The following MARCHF1 variants were observed in gnomAD, a reference collection of about 807,000 sequenced individuals.
MARCHF1 encodes the protein membrane associated ring-CH-type finger 1, also known as E3 ubiquitin-protein ligase MARCHF1.
A neutral mutation model predicts 54.2 loss-of-function variants in MARCHF1; 40 were observed. The ratio of observed to expected loss-of-function variants is 0.74; its 90% CI spans 0.57 to 0.96. The LOEUF is 0.96. Ranked by LOEUF, MARCHF1 falls within the 40% of genes least tolerant of loss-of-function variation. MARCHF1 has a pLI of 0.00. For synonymous variants in MARCHF1, 236 were observed against 236.3 expected, an observed-to-expected ratio of 1.00 and a Z score of 0.01; for missense variants, 586 against 656.5, an observed-to-expected ratio of 0.89 and a Z score of 1.17.
intron 1 of MARCHF1, among the ~76,000 whole-genome samples, chr4:164,241,728 C>T (rs963561572): frequency 6.6e-6 from 1 of 152,138 alleles, no homozygotes; most frequent in Non-Finnish European, 1.5e-5. Context: ...GGTTCATCTC[C>T]CTAGGGAGTG....
intron 2 of MARCHF1, among the ~76,000 whole-genome samples, chr4:164,109,912 T>TA (rs57433858): frequency 0.22 from 14,026 of 63,030 alleles, 1,438 homozygotes; most frequent in Non-Finnish European, 0.24. Flanking sequence ...AAAATAAAAG[T>TA]AAAAAAAAAA....
intron 4 of MARCHF1, among the ~76,000 whole-genome samples, chr4:163,799,863 T>C (rs1748028953): frequency 6.6e-6 from 1 of 152,088 alleles, no homozygotes; most frequent in African/African-American, 2.4e-5. Flanking sequence ...CTATTCACTA[T>C]AGCAAAAACA....
intron 1 of MARCHF1, among the ~76,000 whole-genome samples, chr4:164,165,288 G>A (rs374415988): frequency 2.0e-5 from 3 of 151,918 alleles, no homozygotes; most frequent in Non-Finnish European, 2.9e-5. Flanking sequence ...TTTGAATGAG[G>A]TCATGAGGGT....
chr4:163,663,222 C>CTTT (rs70948661), intron 5 of MARCHF1, among the ~76,000 whole-genome samples: 2,088 of 141,146 alleles, frequency 0.015, 52 homozygotes, highest in African/African-American at 0.049. Flanking sequence ...TTTAAATCAT[C>CTTT]TTTTTTTTTT....
chr4:164,130,934 G>C (rs1756288015), intron 1 of MARCHF1, among the ~76,000 whole-genome samples: 2 of 152,114 alleles, frequency 1.3e-5, no homozygotes, highest in South Asian at 4.1e-4. Flanking sequence ...TAGGATACGA[G>C]ACATCTTTTA....
chr4:163,634,511 T>A (rs1379151038), intron 5 of MARCHF1, among the ~76,000 whole-genome samples: 2 of 149,664 alleles, frequency 1.3e-5, no homozygotes, highest in African/African-American at 2.5e-5. Context: ...GGCCACTACA[T>A]AATGGTAAAG....
chr4:163,812,259 T>C (rs905331859), intron 4 of MARCHF1, among the ~76,000 whole-genome samples: 4 of 150,478 alleles, frequency 2.7e-5, no homozygotes, highest in Non-Finnish European at 4.4e-5. Context: ...TAATATATAG[T>C]TATATGTTAT....
chr4:164,335,355 G>A (rs900840546), intron 1 of MARCHF1, among the ~76,000 whole-genome samples: 1 of 152,172 alleles, frequency 6.6e-6, no homozygotes, highest in Non-Finnish European at 1.5e-5. Context: ...GGCTGAGGTG[G>A]GCGGATCATG....
At chr4:164,039,292 C>T (rs901078572) in intron 2 of MARCHF1, among the ~76,000 whole-genome samples, 1 of 152,098 alleles carries the variant, frequency 6.6e-6, no homozygotes, top group South Asian at 2.1e-4. Flanking sequence ...CTTGACACTC[C>T]TTATGGAACT....
intron 2 of MARCHF1, among the ~76,000 whole-genome samples, chr4:163,992,294 G>A (rs1752983365): frequency 6.6e-6 from 1 of 152,014 alleles, no homozygotes. Context: ...AAATTATGTG[G>A]CATAATATCT....
chr4:163,611,638 A>G (rs1458609262), intron 7 of MARCHF1, among the ~76,000 whole-genome samples: 2 of 152,124 alleles, frequency 1.3e-5, no homozygotes, highest in Non-Finnish European at 2.9e-5. Context: ...AGTTAAAAAG[A>G]GCAAGAACGC....
At chr4:164,053,498 T>C (rs1754418032) in intron 2 of MARCHF1, among the ~76,000 whole-genome samples, 1 of 152,176 alleles carries the variant, frequency 6.6e-6, no homozygotes, top group African/African-American at 2.4e-5. Context: ...TGCATATGAT[T>C]GAGAAGAATT....
chr4:164,144,507 A>G (rs1729612526), intron 1 of MARCHF1, among the ~76,000 whole-genome samples: 2 of 151,976 alleles, frequency 1.3e-5, no homozygotes, highest in African/African-American at 2.4e-5. Context: ...AGAACTCAGG[A>G]TTAAGAATCT....
chr4:163,768,575 A>G (rs948993217), intron 4 of MARCHF1, among the ~76,000 whole-genome samples: 54 of 152,334 alleles, frequency 3.5e-4, no homozygotes, highest in African/African-American at 1.3e-3. Context: ...ATATTTTATT[A>G]AAATCATGCT....
At chr4:164,163,885 T>C in intron 1 of MARCHF1, among the ~76,000 whole-genome samples, 1 of 151,912 alleles carries the variant, frequency 6.6e-6, no homozygotes, top group East Asian at 1.9e-4. Flanking sequence ...AAGTATGTTC[T>C]CAGACTATGA....
At chr4:163,914,277 A>T (rs12651216) in intron 3 of MARCHF1, among the ~76,000 whole-genome samples, 60,371 of 151,962 alleles carry the variant, frequency 0.4, 12,175 homozygotes, top group East Asian at 0.47. Flanking sequence ...TTCTTTAAAA[A>T]TTTTGTTTAA....
At chr4:163,780,608 G>C (rs1350704995) in intron 4 of MARCHF1, among the ~76,000 whole-genome samples, 1 of 51,594 alleles carries the variant, frequency 1.9e-5, no homozygotes, top group Non-Finnish European at 6.0e-5. Flanking sequence ...CTTTGAAAGT[G>C]GGAATTATGG....
intron 8 of MARCHF1, among the ~76,000 whole-genome samples, chr4:163,550,414 T>A (rs769956751): frequency 6.6e-6 from 1 of 151,984 alleles, no homozygotes; most frequent in Non-Finnish European, 1.5e-5. Context: ...TCCGTAACAG[T>A]CACGTGACCT....
rs190258924 is a variant in MARCHF1, at chr4:164,076,362, A to G, written c.-248+35226T>C. On this transcript the variant is annotated intron_variant, in intron 2 of 9. Coordinates refer to ENST00000514618, the MANE Select transcript of MARCHF1 (RefSeq NM_001394959.1). ...ACAAACCTTCATGCTAAAAACTGTC[A>G]ATAAACTAGGTATTGATGGAACGTA... is the stretch of plus-strand genomic sequence containing the variant. 2.6e-4 allele frequency among the ~76,000 whole-genome samples: 39 copies of G among 152,324 alleles called. No homozygotes were observed. The East Asian group carries it at 7.3e-3, about 29-fold the overall frequency.
Sources: gnomAD v4.1 joint callset for allele counts (sites outside exome capture counted in the v4.1 genomes callset) on GRCh38, gnomAD v4.1.1 for gene constraint, MANE v1.5 for transcripts, NCBI Gene and HGNC (gene_info 2026-07-23, HGNC 2026-07-21) for gene names.